Variants in C12orf56 observed in about 807,000 individuals in gnomAD.
C12orf56 encodes the protein chromosome 12 open reading frame 56.
In C12orf56, 71 loss-of-function variants were observed where a neutral mutation model predicts 69.9. That is an observed-to-expected ratio of 1.02 (90% confidence interval 0.84 to 1.24). The LOEUF (loss-of-function observed/expected upper bound fraction) is 1.24. Among genes scored for constraint, C12orf56 ranks in the 50% most tolerant of loss-of-function variants. The pLI, the probability that C12orf56 is intolerant of heterozygous loss-of-function variation, is 0.00. For missense variants in C12orf56, 732 were observed against 738.5 expected, an observed-to-expected ratio of 0.99 and a Z score of 0.10; for synonymous variants, 276 against 274.1, an observed-to-expected ratio of 1.01 and a Z score of -0.07.
intron 12 of C12orf56, among the ~76,000 whole-genome samples, chr12:64,269,076 A>G (rs1397775097): frequency 6.6e-5 from 10 of 151,056 alleles, no homozygotes; most frequent in Non-Finnish European, 1.3e-4. Context: ...GGAGGCAGAG[A>G]TTGTGATAAG....
At chr12:64,349,565 G>T (rs1245360420) in intron 2 of C12orf56, among the ~76,000 whole-genome samples, 4 of 152,198 alleles carry the variant, frequency 2.6e-5, no homozygotes, top group Non-Finnish European at 2.9e-5. Flanking sequence ...GCACACACAT[G>T]TTTATAGTGG....
rs1345721054 is a variant in C12orf56 at position 64,331,045 on chromosome 12, A to C, written c.416-13T>G. The C allele has an allele frequency of 3.9e-6, 6 of 1,526,212 alleles. No homozygotes were observed. Among genetic ancestry groups the C allele is most frequent in the Non-Finnish European group, 5.3e-6 (6 of 1,127,856 alleles). 94.5% of individuals were successfully genotyped at this position (1,526,212 alleles called of 1,614,324 possible). A position where few individuals can be genotyped will look rare whatever the true frequency, so the allele number is the denominator to read the frequency against. ...TTTTCTTCCTTGACTTAAAAAAAAA[A>C]TAGTTATTTGGTCATTAATTAAATA... On this transcript the variant is annotated splice_polypyrimidine_tract_variant and intron_variant, in intron 2 of 12. Transcript: ENST00000543942.
Position 64,303,623 on chromosome 12 carries a change from C to T in C12orf56, c.1113+12G>A. The T allele has an allele frequency of 1.3e-6, 2 of 1,518,612 alleles. No individual in the cohort carries two copies. The highest frequency in any genetic ancestry group is 1.3e-5 in the South Asian group (1 of 75,738). The allele number at this position is 1,518,612 out of a possible 1,614,324, so 94.1% of individuals were successfully genotyped here. A position where few individuals can be genotyped will look rare whatever the true frequency, so the allele number is the denominator to read the frequency against. Reference sequence around the variant, plus strand: ...CAAACTTTAAAGATTAAAAATAAAACAAAACACTTACCTTCCAGAAAAGCC... The same window carrying T: ...CAAACTTTAAAGATTAAAAATAAAATAAAACACTTACCTTCCAGAAAAGCC... On this transcript the variant is annotated intron_variant, in intron 6 of 12. Transcript: ENST00000543942.
intron 1 of C12orf56, among the ~76,000 whole-genome samples, chr12:64,379,915 C>G (rs574906826): frequency 6.9e-6 from 1 of 144,384 alleles, no homozygotes; most frequent in Non-Finnish European, 1.5e-5. Flanking sequence ...AACCCCGTCT[C>G]CACTAAAAAT....
At chr12:64,278,243 G>T (rs1453013059) in intron 8 of C12orf56, among the ~76,000 whole-genome samples, 3 of 152,162 alleles carry the variant, frequency 2.0e-5, no homozygotes, top group African/African-American at 7.2e-5. Flanking sequence ...CTTCTCAGAG[G>T]CTTTATATGC....
At chr12:64,343,887 A>G (rs1184022138) in intron 2 of C12orf56, among the ~76,000 whole-genome samples, 1 of 152,142 alleles carries the variant, frequency 6.6e-6, no homozygotes, top group Admixed American at 6.6e-5. Context: ...CTACCAGCCA[A>G]TGTGGGGGTT....
At chr12:64,335,439 A>G (rs997125064) in intron 2 of C12orf56, among the ~76,000 whole-genome samples, 1 of 133,970 alleles carries the variant, frequency 7.5e-6, no homozygotes, top group Admixed American at 7.7e-5. Context: ...AAAAAAAAAA[A>G]GAGCTTTTGC....
At chr12:64,331,885 C>T (rs1199478066) in intron 2 of C12orf56, among the ~76,000 whole-genome samples, 1 of 151,872 alleles carries the variant, frequency 6.6e-6, no homozygotes, top group Admixed American at 6.6e-5. Flanking sequence ...GTCTTTCCAG[C>T]CTCTCCCTTT....
chr12:64,323,251 T>TA (rs1422794174), intron 3 of C12orf56, among the ~76,000 whole-genome samples: 19 of 152,156 alleles, frequency 1.2e-4, no homozygotes, highest in Non-Finnish European at 2.6e-4. Context: ...ATTCCGTTCT[T>TA]ACCATTCCTA....
At chr12:64,362,130 G>A (rs947513790) in intron 1 of C12orf56, among the ~76,000 whole-genome samples, 4 of 152,060 alleles carry the variant, frequency 2.6e-5, no homozygotes, top group Admixed American at 6.6e-5. Flanking sequence ...GGTCTGGATC[G>A]GGACCCCTTT....
In C12orf56 at chr12:64,277,802, C is replaced by A; in HGVS notation, c.1312G>T (p.Gly438Ter). 1 of 1,541,420 alleles carries A rather than the reference C, an allele frequency of 6.5e-7. No individual in the cohort carries two copies. The highest frequency in any genetic ancestry group is 8.8e-7 in the Non-Finnish European group (1 of 1,142,656). ...ATTACCAAGAGATTAAATAGTGCTC[C>A]CCTGGAAAAAAATAAATAAAAGGCA... ...SRLNTLAAKK[G>*]ALFNLLVILI... Residue 438 changes from glycine (G) to a stop codon, truncating the protein, a stop_gained and splice_region_variant, in exon 9 of 13, where the codon GGA becomes TGA. Transcript: ENST00000543942. LOFTEE classifies it high-confidence loss of function.
At chr12:64,341,317 C>T (rs900545243) in intron 2 of C12orf56, among the ~76,000 whole-genome samples, 5 of 152,184 alleles carry the variant, frequency 3.3e-5, no homozygotes, top group Admixed American at 2.6e-4. Context: ...CCCCTTGATT[C>T]CTGGACCCAT....
Position 64,307,736 on chromosome 12 carries a change from C to T in C12orf56, c.969-3957G>A, listed in dbSNP as rs1434643118. Among the ~76,000 whole-genome samples the T allele has an allele frequency of 2.0e-5, 3 of 151,522 alleles. No individual in the cohort carries two copies. In the East Asian group the frequency reaches 5.8e-4, roughly 29 times the overall value. The stretch of plus-strand genomic sequence containing the variant: ...TGTTTTTACAGCTGGGCGTGGTGGC[C>T]CAGGGGTGCAAATCCCAGCACTTTG... On this transcript the variant is annotated intron_variant, in intron 5 of 12. Coordinates refer to ENST00000543942, the MANE Select transcript of C12orf56 (RefSeq NM_001170633.2).
chr12:64,377,134 T>C (rs1788924334), intron 1 of C12orf56, among the ~76,000 whole-genome samples: 1 of 152,100 alleles, frequency 6.6e-6, no homozygotes, highest in Non-Finnish European at 1.5e-5. Flanking sequence ...TTTTTTCACA[T>C]ATTTGTTGGC....
chr12:64,381,524 A>C (rs887227376), intron 1 of C12orf56, among the ~76,000 whole-genome samples: 1 of 152,204 alleles, frequency 6.6e-6, no homozygotes, highest in African/African-American at 2.4e-5. Context: ...TTAAACTATA[A>C]ACTATAAACT....
In C12orf56 at chr12:64,283,543, G is replaced by C. The variant is rs1042187622; in HGVS notation, c.1310+1121C>G. 1.1e-4 allele frequency among the ~76,000 whole-genome samples: 16 copies of C among 152,284 alleles called. 1 individual carries two copies. Among genetic ancestry groups the C allele is most frequent in the African/African-American group, 3.4e-4 (14 of 41,576 alleles). Reference sequence around the variant, plus strand: ...AGACACATTTCCAGCCTCTCCTGCAGCTAGGTGTGGCCATGTGCCTGAAGT... The same window carrying C: ...AGACACATTTCCAGCCTCTCCTGCACCTAGGTGTGGCCATGTGCCTGAAGT... On this transcript the variant is annotated intron_variant, in intron 8 of 12. Transcript: ENST00000543942.
chr12:64,373,954 A>G (rs2135976741), intron 1 of C12orf56, among the ~76,000 whole-genome samples: 1 of 152,322 alleles, frequency 6.6e-6, no homozygotes, highest in East Asian at 1.9e-4. Flanking sequence ...TTAAGTAGAA[A>G]CTATTTTTCC....
chr12:64,326,285 T>C (rs1411681477), intron 3 of C12orf56, among the ~76,000 whole-genome samples: 3 of 152,192 alleles, frequency 2.0e-5, no homozygotes, highest in Non-Finnish European at 4.4e-5. Context: ...AAAACATACA[T>C]GCACAGTTTA....
intron 5 of C12orf56, among the ~76,000 whole-genome samples, chr12:64,308,319 A>G (rs1440160898): frequency 6.6e-6 from 1 of 152,174 alleles, no homozygotes; most frequent in Non-Finnish European, 1.5e-5. Flanking sequence ...AAGACCCTGT[A>G]TCAATAAATA....
Sources: gnomAD v4.1 joint callset for allele counts (sites outside exome capture counted in the v4.1 genomes callset) on GRCh38, gnomAD v4.1.1 for gene constraint, MANE v1.5 for transcripts, NCBI Gene and HGNC (gene_info 2026-07-23, HGNC 2026-07-21) for gene names.